The following PLXDC2 variants were observed in gnomAD, a reference collection of about 807,000 sequenced individuals.
The protein encoded by PLXDC2 is plexin domain-containing protein 2.
A neutral mutation model predicts 68.9 loss-of-function variants in PLXDC2; 40 were observed. The ratio of observed to expected loss-of-function variants is 0.58; its 90% CI spans 0.45 to 0.76. PLXDC2 has a LOEUF of 0.76. PLXDC2 is among the 30% of genes least tolerant of loss of function. The pLI is 0.00. For synonymous variants in PLXDC2, 243 were observed against 234.2 expected, an observed-to-expected ratio of 1.04 and a Z score of -0.34; for missense variants, 644 against 661.9, an observed-to-expected ratio of 0.97 and a Z score of 0.30.
Position 20,147,820 on chromosome 10 carries a change from T to C in PLXDC2, c.701T>C (p.Leu234Pro). 1 of 1,613,242 alleles carries C rather than the reference T, an allele frequency of 6.2e-7. No homozygotes were observed. Among genetic ancestry groups the C allele is most frequent in the South Asian group, 1.1e-5 (1 of 91,048 alleles). ...GTGGTCCAGTGGGACCATGTACATC[T>C]CCAGGATAATTATAACCTGGGAAGC... ...ALVVQWDHVH[L>P]QDNYNLGSFT... Residue 234 changes from leucine to proline, a missense_variant, in exon 6 of 14, where the codon CTC becomes CCC. Physicochemically the swap from Leu to Pro is moderately conservative, Grantham distance 98 (BLOSUM62 -3). Coordinates refer to ENST00000377252, the MANE Select transcript of PLXDC2 (RefSeq NM_032812.9).
chr10:19,827,080 T>G (rs758071393), intron 1 of PLXDC2, among the ~76,000 whole-genome samples: 7 of 152,236 alleles, frequency 4.6e-5, no homozygotes, highest in Non-Finnish European at 1.0e-4. Flanking sequence ...AAACGTCTTT[T>G]CCTGTTTACA....
intron 4 of PLXDC2, among the ~76,000 whole-genome samples, chr10:20,109,953 A>G: frequency 6.6e-6 from 1 of 152,226 alleles, no homozygotes; most frequent in East Asian, 1.9e-4. Flanking sequence ...GAGAGGTAAT[A>G]AAAGCTGAAT....
chr10:19,915,222 T>C (rs1352739687), intron 1 of PLXDC2, among the ~76,000 whole-genome samples: 1 of 152,188 alleles, frequency 6.6e-6, no homozygotes, highest in African/African-American at 2.4e-5. Context: ...TGCTTTCCTG[T>C]GAGTGATTTG....
At chr10:20,051,418 A>G in intron 3 of PLXDC2, among the ~76,000 whole-genome samples, 1 of 70,260 alleles carries the variant, frequency 1.4e-5, no homozygotes. Flanking sequence ...ATATATATAT[A>G]TATATATATA....
intron 2 of PLXDC2, among the ~76,000 whole-genome samples, chr10:20,032,056 A>G (rs1835509379): frequency 6.6e-6 from 1 of 152,074 alleles, no homozygotes; most frequent in Non-Finnish European, 1.5e-5. Flanking sequence ...TCTGACCTCA[A>G]GTAATCTGCC....
intron 2 of PLXDC2, among the ~76,000 whole-genome samples, chr10:20,044,122 T>TCCTTCCTTCCTTCCTCCCTTCCTTCCTC (rs71388894): frequency 1.0e-5 from 1 of 99,734 alleles, no homozygotes; most frequent in African/African-American, 4.1e-5. Flanking sequence ...CTTCCTTCCT[T>TCCTTCCTTCCTTCCTCCCTTCCTTCCTC]CCTCCCTCCC....
Position 19,940,007 on chromosome 10 carries a change from A to G in PLXDC2, c.113-61768A>G, listed in dbSNP as rs912629566. On this transcript the variant is annotated intron_variant, in intron 1 of 13. Coordinates refer to ENST00000377252, the MANE Select transcript of PLXDC2 (RefSeq NM_032812.9). ...CTTTTTATATAATATGTCTATTTAC[A>G]TGGATGTTTAAGCTGGTTGCTTGAA... 6.6e-5 allele frequency among the ~76,000 whole-genome samples: 10 copies of G among 151,952 alleles called. No individual in the cohort carries two copies. In the East Asian group the frequency reaches 1.9e-3, roughly 29 times the overall value.
intron 4 of PLXDC2, among the ~76,000 whole-genome samples, chr10:20,083,575 G>T (rs1057168170): frequency 7.9e-5 from 12 of 151,506 alleles, no homozygotes; most frequent in Admixed American, 3.3e-4. Context: ...AATAATTTCT[G>T]CAGTGTATGT....
At chr10:19,869,728 T>C (rs890719610) in intron 1 of PLXDC2, among the ~76,000 whole-genome samples, 2 of 152,122 alleles carry the variant, frequency 1.3e-5, no homozygotes, top group Non-Finnish European at 2.9e-5. Context: ...TTTATCTTAT[T>C]TAACGTAATA....
intron 2 of PLXDC2, among the ~76,000 whole-genome samples, chr10:20,029,085 T>C (rs1835455798): frequency 6.6e-6 from 1 of 152,210 alleles, no homozygotes; most frequent in African/African-American, 2.4e-5. Context: ...TAGAGTGACC[T>C]TCTCAAATTC....
At chr10:19,885,122 CA>C (rs1263201751) in intron 1 of PLXDC2, among the ~76,000 whole-genome samples, 2 of 152,104 alleles carry the variant, frequency 1.3e-5, no homozygotes, top group African/African-American at 2.4e-5. Flanking sequence ...AGCATTTTTT[CA>C]TGTGTTTTTT....
At chr10:20,158,501 C>CAAAAAAAA (rs59079629) in intron 6 of PLXDC2, among the ~76,000 whole-genome samples, 21 of 118,746 alleles carry the variant, frequency 1.8e-4, no homozygotes, top group African/African-American at 6.2e-4. Flanking sequence ...TCTGTCTCTG[C>CAAAAAAAA]AAAAAAAAAA....
intron 1 of PLXDC2, among the ~76,000 whole-genome samples, chr10:19,840,914 G>A (rs1836891580): frequency 6.6e-6 from 1 of 152,136 alleles, no homozygotes; most frequent in Non-Finnish European, 1.5e-5. Context: ...TTATGACAGT[G>A]AAACAGATGT....
chr10:20,092,305 G>C (rs1833290536), intron 4 of PLXDC2, among the ~76,000 whole-genome samples: 1 of 152,076 alleles, frequency 6.6e-6, no homozygotes, highest in African/African-American at 2.4e-5. Context: ...ATTTTTCAAA[G>C]TCTGTAGCAC....
chr10:19,946,540 A>T (rs952744018), intron 1 of PLXDC2, among the ~76,000 whole-genome samples: 1 of 150,828 alleles, frequency 6.6e-6, no homozygotes, highest in East Asian at 1.9e-4. Flanking sequence ...TGGACAGTTT[A>T]TCCTGGATTG....
At chr10:20,152,422 T>G (rs576057524) in intron 6 of PLXDC2, among the ~76,000 whole-genome samples, 1 of 152,134 alleles carries the variant, frequency 6.6e-6, no homozygotes, top group South Asian at 2.1e-4. Context: ...TCTGTGTTGT[T>G]CAACCAAAGA....
At chr10:19,889,888 A>G (rs1837919443) in intron 1 of PLXDC2, among the ~76,000 whole-genome samples, 1 of 152,216 alleles carries the variant, frequency 6.6e-6, no homozygotes, top group Admixed American at 6.5e-5. Flanking sequence ...GAGTTCTCAC[A>G]AAAATACTAC....
At chr10:20,020,140 A>T (rs930809214) in intron 2 of PLXDC2, among the ~76,000 whole-genome samples, 1 of 149,706 alleles carries the variant, frequency 6.7e-6, no homozygotes, top group Non-Finnish European at 1.5e-5. Flanking sequence ...GCCTCCTGAA[A>T]AGGTGGGGCT....
At chr10:20,136,009 T>G (rs1186299392) in intron 4 of PLXDC2, among the ~76,000 whole-genome samples, 2 of 152,206 alleles carry the variant, frequency 1.3e-5, no homozygotes, top group African/African-American at 4.8e-5. Context: ...TATTTTAACT[T>G]GATAGCTGGT....
Sources: allele counts gnomAD v4.1 joint callset (sites outside exome capture counted in the v4.1 genomes callset), GRCh38; gene constraint gnomAD v4.1.1; transcripts MANE v1.5; gene names NCBI Gene and HGNC (gene_info 2026-07-23, HGNC 2026-07-21).